Variants in MORN4 observed in about 807,000 individuals in gnomAD.
MORN4 encodes the protein MORN repeat-containing protein 4.
Under a neutral mutation model 16.4 loss-of-function variants are expected in MORN4, and 8 were observed. The ratio of observed to expected loss-of-function variants is 0.49; its 90% CI spans 0.29 to 0.88. The LOEUF is 0.88. Among genes scored for constraint, MORN4 ranks in the 40% least tolerant of loss-of-function variants. MORN4 has a pLI of 0.09. For missense variants in MORN4, 159 were observed against 182.9 expected, an observed-to-expected ratio of 0.87 and a Z score of 0.75; for synonymous variants, 53 against 68.9, an observed-to-expected ratio of 0.77 and a Z score of 1.14.
chr10:97,622,300 G>C (rs1291548273), intron 1 of MORN4, among the ~76,000 whole-genome samples: 1 of 152,164 alleles, frequency 6.6e-6, no homozygotes, highest in East Asian at 1.9e-4. Context: ...AGGAACAACT[G>C]GGGGGATACA....
chr10:97,633,248 C>T lies in MORN4; in HGVS notation c.-31+99G>A. 8.2e-7 allele frequency: 1 copy of T among 1,222,076 alleles called. No homozygotes were observed. Among genetic ancestry groups the T allele is most frequent in the Non-Finnish European group, 1.1e-6 (1 of 946,732 alleles). 75.7% of individuals were successfully genotyped at this position (1,222,076 alleles called of 1,614,324 possible). On this transcript the variant is annotated intron_variant, in intron 1 of 4. Transcript: ENST00000307450. This position sits in a 1 kb window ranked among gnomAD's most constrained non-coding sequence, Gnocchi z 4.5. Reference sequence around the variant, plus strand: ...CAGGTCAGCGTATCCGAGGTGGAGCCGCGCCCCCGAGCCGGGTCATCTCGT... The same window carrying T: ...CAGGTCAGCGTATCCGAGGTGGAGCTGCGCCCCCGAGCCGGGTCATCTCGT...
At chr10:97,617,366 T>C in intron 2 of MORN4, 44 bp from the exon 3 acceptor site, 3 of 1,484,784 alleles carry the variant, frequency 2.0e-6, no homozygotes, top group Non-Finnish European at 2.8e-6. Context: ...AGGAGGCAGC[T>C]TCAGGGTCCC....
intron 1 of MORN4, among the ~76,000 whole-genome samples, chr10:97,627,543 G>A (rs569882464): frequency 2.6e-5 from 4 of 152,168 alleles, no homozygotes; most frequent in Non-Finnish European, 4.4e-5. Context: ...CATCTTCTAC[G>A]CCCTGGCTCT....
At chr10:97,616,851 G>T in intron 3 of MORN4, 64 bp from the exon 4 acceptor site, 2 of 1,134,978 alleles carry the variant, frequency 1.8e-6, no homozygotes, top group Non-Finnish European at 1.3e-6. Context: ...ACGGAGTCGA[G>T]CAGCTGCTGA....
chr10:97,623,885 A>G (rs1260491285), intron 1 of MORN4, among the ~76,000 whole-genome samples: 1 of 151,830 alleles, frequency 6.6e-6, no homozygotes, highest in Non-Finnish European at 1.5e-5. Context: ...ACAGGTGCCC[A>G]CCACGACGCC....
intron 1 of MORN4, among the ~76,000 whole-genome samples, chr10:97,627,790 C>T (rs775548675): frequency 6.6e-6 from 1 of 152,176 alleles, no homozygotes; most frequent in Non-Finnish European, 1.5e-5. Context: ...TTGTAGTAAA[C>T]TCCCTCCAAA....
chr10:97,632,957 C>A (rs1482014847), intron 1 of MORN4, among the ~76,000 whole-genome samples: 2 of 152,082 alleles, frequency 1.3e-5, no homozygotes, highest in Non-Finnish European at 2.9e-5. Flanking sequence ...GAGATAAAGG[C>A]GGGCTCAGGG....
chr10:97,632,022 G>A (rs1421303296), intron 1 of MORN4, among the ~76,000 whole-genome samples: 2 of 152,056 alleles, frequency 1.3e-5, no homozygotes, highest in Non-Finnish European at 2.9e-5. Context: ...GGTGGAGGCA[G>A]CCACCCTAAC....
chr10:97,616,410 G>C lies in MORN4; in HGVS notation c.294C>G (p.Gly98=). ...GAGAACCATCAGGGAAAGTCAGCAGGCCTTTGAGGAGGGCAGAGAAAATAT... is the reference window on the plus strand; with the variant it reads ...GAGAACCATCAGGGAAAGTCAGCAGCCCTTTGAGGAGGGCAGAGAAAATAT... ...EFKNGRVDGF[G]LLTFPDGSHG... The change falls in exon 5 of 5, where the codon GGC becomes GGG. Residue 98 remains glycine, a splice_region_variant and synonymous_variant. Coordinates refer to ENST00000307450, the MANE Select transcript of MORN4 (RefSeq NM_178832.4). 1 of 1,596,558 alleles carries C rather than the reference G, an allele frequency of 6.3e-7. No homozygotes were observed.
intron 2 of MORN4, 104 bp downstream of exon 2, chr10:97,619,483 G>A (rs1291112079): frequency 1.2e-6 from 1 of 821,750 alleles, no homozygotes; most frequent in Non-Finnish European, 2.2e-6. Flanking sequence ...ATTAAATCCT[G>A]GAGTTGAAAA....
intron 1 of MORN4, among the ~76,000 whole-genome samples, chr10:97,626,097 C>G (rs1439950028): frequency 6.8e-6 from 1 of 146,050 alleles, no homozygotes; most frequent in African/African-American, 2.5e-5. Context: ...AGAGAACAAG[C>G]GGGCTGGGCA....
chr10:97,615,913 G>T lies in MORN4; in HGVS notation c.*350C>A, dbSNP rs2041232718. ...CCCAAAGCAGCAGAACGAAGGTTCTGTATCACTTGGCAGAAAATGAAGCAG... is the reference window on the plus strand; with the variant it reads ...CCCAAAGCAGCAGAACGAAGGTTCTTTATCACTTGGCAGAAAATGAAGCAG... On this transcript the variant is annotated 3_prime_UTR_variant, in exon 5 of 5. Coordinates refer to ENST00000307450, the MANE Select transcript of MORN4 (RefSeq NM_178832.4). The T allele has an allele frequency of 5.8e-6, 1 of 171,360 alleles. No individual in the cohort carries two copies. The highest frequency in any genetic ancestry group is 1.9e-4 in the South Asian group (1 of 5,150). The allele number at this position is 171,360 out of a possible 1,614,324, so 10.6% of individuals were successfully genotyped here. A position where few individuals can be genotyped will look rare whatever the true frequency, so the allele number is the denominator to read the frequency against.
At chr10:97,622,311 T>A (rs1439380976) in intron 1 of MORN4, among the ~76,000 whole-genome samples, 1 of 152,100 alleles carries the variant, frequency 6.6e-6, no homozygotes, top group Non-Finnish European at 1.5e-5. Flanking sequence ...GGGGGATACA[T>A]CATAGGAAAA....
At chr10:97,617,173 A>G (rs2041243028) in intron 3 of MORN4, 35 bp downstream of exon 3, 3 of 1,536,006 alleles carry the variant, frequency 2.0e-6, no homozygotes, top group Non-Finnish European at 2.7e-6. Context: ...ACCCTCCCTT[A>G]TTTAAGGCTA....
chr10:97,622,844 A>T (rs1186929199), intron 1 of MORN4, among the ~76,000 whole-genome samples: 2 of 141,478 alleles, frequency 1.4e-5, no homozygotes, highest in African/African-American at 2.7e-5. Flanking sequence ...CTCTTCATTC[A>T]TCCCTTCATC....
chr10:97,626,397 TC>T (rs1191020279), intron 1 of MORN4, among the ~76,000 whole-genome samples: 2,296 of 19,152 alleles, frequency 0.12, 31 homozygotes, highest in South Asian at 0.23. Flanking sequence ...ATAATAATAA[TC>T]ATAATCATAA....
intron 1 of MORN4, among the ~76,000 whole-genome samples, chr10:97,624,408 GTTGT>G (rs1437414158): frequency 6.6e-6 from 1 of 152,000 alleles, no homozygotes; most frequent in Non-Finnish European, 1.5e-5. Context: ...TTCCATCAGT[GTTGT>G]TTATTTGTTT....
chr10:97,616,353 C>T lies in MORN4; in HGVS notation c.351G>A (p.Glu117=). ...TCTCACGTCGCAGCAGCTTGTTGTT[C>T]TCAAAGAGACCTTCATTGCGGGGGA... ...HGIPRNEGLF[E]NNKLLRREKC... is the part of the protein sequence containing the mutation. Residue 117 remains glutamate, a synonymous_variant, in exon 5 of 5, where the codon GAG becomes GAA. Transcript: ENST00000307450. 3 of 1,613,084 alleles carry T rather than the reference C, an allele frequency of 1.9e-6. No homozygotes were observed. The highest frequency in any genetic ancestry group is 2.5e-6 in the Non-Finnish European group (3 of 1,179,422).
chr10:97,616,476 T>A (rs936008875), intron 4 of MORN4, 65 bp from the exon 5 acceptor site: 2 of 1,520,296 alleles, frequency 1.3e-6, no homozygotes, highest in Admixed American at 4.0e-5. Flanking sequence ...ATGAGACATA[T>A]CTTTGGCCTT....
Sources: allele counts gnomAD v4.1 joint callset (sites outside exome capture counted in the v4.1 genomes callset), GRCh38; gene constraint gnomAD v4.1.1; non-coding constraint Gnocchi (gnomAD v3.1); transcripts MANE v1.5; gene names NCBI Gene and HGNC (gene_info 2026-07-23, HGNC 2026-07-21).